The following LRMDA variants were observed in gnomAD, a reference collection of about 807,000 sequenced individuals.
LRMDA encodes the protein leucine rich melanocyte differentiation associated.
Under a neutral mutation model 29.8 loss-of-function variants are expected in LRMDA, and 18 were observed. The observed-to-expected ratio is 0.60, with a 90% CI of 0.42 to 0.90. The LOEUF (loss-of-function observed/expected upper bound fraction) is 0.90, where lower values mean the gene tolerates loss of function less well. LRMDA is among the 40% of genes least tolerant of loss of function. The probability of loss-of-function intolerance (pLI) is 0.00; values close to 1 mark genes in which losing one functional copy is unlikely to be tolerated. For missense variants in LRMDA, 273 were observed against 273.9 expected (o/e 1.00, Z 0.02); for synonymous variants, 125 against 109.4 (o/e 1.14, Z -0.89).
intron 6 of LRMDA, among the ~76,000 whole-genome samples, chr10:76,378,058 T>G (rs1841543542): frequency 6.6e-6 from 1 of 152,128 alleles, no homozygotes; most frequent in African/African-American, 2.4e-5. Flanking sequence ...TCTGTGATTT[T>G]TTTCATCAGT....
intron 5 of LRMDA, among the ~76,000 whole-genome samples, chr10:76,121,549 C>G (rs549464938): frequency 6.6e-6 from 1 of 152,316 alleles, no homozygotes; most frequent in East Asian, 1.9e-4. Context: ...CATATTTCAA[C>G]TCTCCTGACA....
intron 5 of LRMDA, among the ~76,000 whole-genome samples, chr10:76,155,395 G>T (rs1359692469): frequency 6.6e-6 from 1 of 152,124 alleles, no homozygotes; most frequent in Non-Finnish European, 1.5e-5. Flanking sequence ...CAGAGGAGTT[G>T]CTTCTACAAC....
chr10:75,609,435 T>G (rs1841000432), intron 2 of LRMDA, among the ~76,000 whole-genome samples: 1 of 152,216 alleles, frequency 6.6e-6, no homozygotes, highest in South Asian at 2.1e-4. Context: ...ACAATATCTG[T>G]GGCCATACCA....
At chr10:75,774,824 G>C (rs552705136) in intron 2 of LRMDA, among the ~76,000 whole-genome samples, 3 of 152,222 alleles carry the variant, frequency 2.0e-5, no homozygotes, top group East Asian at 1.9e-4. Context: ...CTTGAGGGCA[G>C]CTTAGACATA....
At chr10:75,508,114 ATTACT>A (rs1441140202) in intron 2 of LRMDA, among the ~76,000 whole-genome samples, 1 of 152,230 alleles carries the variant, frequency 6.6e-6, no homozygotes, top group East Asian at 1.9e-4. Context: ...AATCTGTAAA[ATTACT>A]TTAATAACCT....
intron 2 of LRMDA, among the ~76,000 whole-genome samples, chr10:75,567,111 T>TTTTC (rs371817015): frequency 1.3e-5 from 2 of 150,740 alleles, no homozygotes; most frequent in African/African-American, 4.8e-5. Flanking sequence ...AGCTGCTGTC[T>TTTTC]TCTCTCTCTC....
chr10:76,184,204 T>C (rs1851105837), intron 5 of LRMDA, among the ~76,000 whole-genome samples: 1 of 151,988 alleles, frequency 6.6e-6, no homozygotes, highest in Non-Finnish European at 1.5e-5. Context: ...CTAATTTTTG[T>C]ATTTTTAGTA....
chr10:75,721,310 G>A (rs1842564232), intron 2 of LRMDA, among the ~76,000 whole-genome samples: 1 of 152,138 alleles, frequency 6.6e-6, no homozygotes, highest in African/African-American at 2.4e-5. Flanking sequence ...TTCTGTATGT[G>A]ATGACACAGA....
intron 5 of LRMDA, among the ~76,000 whole-genome samples, chr10:76,139,110 A>G (rs948466149): frequency 6.6e-6 from 1 of 152,160 alleles, no homozygotes; most frequent in Non-Finnish European, 1.5e-5. Context: ...TCCTTCCTGA[A>G]CCGTTTCAAA....
chr10:75,569,541 C>G (rs1222347299), intron 2 of LRMDA, among the ~76,000 whole-genome samples: 1 of 152,118 alleles, frequency 6.6e-6, no homozygotes, highest in African/African-American at 2.4e-5. Context: ...AATAAAAACC[C>G]AGATATAAAA....
At chr10:75,614,132 G>T (rs972094465) in intron 2 of LRMDA, among the ~76,000 whole-genome samples, 1 of 152,044 alleles carries the variant, frequency 6.6e-6, no homozygotes, top group Non-Finnish European at 1.5e-5. Context: ...TCACCCCTTT[G>T]TCTCTCTCCC....
chr10:76,130,501 A>G (rs973901194), intron 5 of LRMDA, among the ~76,000 whole-genome samples: 63 of 152,356 alleles, frequency 4.1e-4, no homozygotes, highest in African/African-American at 1.4e-3. Flanking sequence ...AAAAAAAAGA[A>G]AAACTTCTTC....
chr10:75,672,936 G>T (rs1187714421), intron 2 of LRMDA, among the ~76,000 whole-genome samples: 1 of 149,062 alleles, frequency 6.7e-6, no homozygotes, highest in Non-Finnish European at 1.5e-5. Context: ...GCTGCCTGAT[G>T]ATGTGATAAT....
chr10:75,467,087 C>T (rs1435856084), intron 2 of LRMDA, among the ~76,000 whole-genome samples: 3 of 152,112 alleles, frequency 2.0e-5, no homozygotes, highest in African/African-American at 7.2e-5. Flanking sequence ...GACTGCAACC[C>T]AGCCAAGGGA....
intron 5 of LRMDA, among the ~76,000 whole-genome samples, chr10:76,059,837 T>G (rs116379200): frequency 1.9e-3 from 291 of 152,356 alleles, no homozygotes; most frequent in African/African-American, 6.8e-3. Context: ...TATTTTCCAT[T>G]ATGCTGAATA....
At chr10:76,316,067 T>C (rs1172226913) in intron 5 of LRMDA, among the ~76,000 whole-genome samples, 2 of 152,174 alleles carry the variant, frequency 1.3e-5, no homozygotes, top group Admixed American at 6.5e-5. Flanking sequence ...GATCCGCCAA[T>C]GGCCAGACTA....
intron 2 of LRMDA, among the ~76,000 whole-genome samples, chr10:75,705,937 A>C (rs1479691796): frequency 6.6e-6 from 1 of 152,230 alleles, no homozygotes; most frequent in Non-Finnish European, 1.5e-5. Flanking sequence ...AGAAAGTTTG[A>C]GAGAGAAATG....
chr10:75,627,760 C>T (rs1841269832), intron 2 of LRMDA, among the ~76,000 whole-genome samples: 1 of 152,186 alleles, frequency 6.6e-6, no homozygotes, highest in Non-Finnish European at 1.5e-5. Context: ...TATGGGCTTG[C>T]TTCCAATCTG....
At chr10:76,329,094 A>G (rs189010080) in intron 6 of LRMDA, among the ~76,000 whole-genome samples, 8 of 152,292 alleles carry the variant, frequency 5.3e-5, no homozygotes, top group African/African-American at 1.9e-4. Context: ...CATTGCTGTT[A>G]TCCATGCGTT....
Sources: gnomAD v4.1 joint callset for allele counts (sites outside exome capture counted in the v4.1 genomes callset) on GRCh38, gnomAD v4.1.1 for gene constraint, MANE v1.5 for transcripts, NCBI Gene and HGNC (gene_info 2026-07-23, HGNC 2026-07-21) for gene names.